The following CACNA1D variants were observed in gnomAD, a reference collection of about 807,000 sequenced individuals.
CACNA1D encodes the protein voltage-dependent L-type calcium channel subunit alpha-1D.
Under a neutral mutation model 257.1 loss-of-function variants are expected in CACNA1D, and 55 were observed. That is an observed-to-expected ratio of 0.21 (90% CI 0.17 to 0.27). The LOEUF (loss-of-function observed/expected upper bound fraction) is 0.27. CACNA1D is among the 10% of genes least tolerant of loss of function. The probability of loss-of-function intolerance (pLI) is 1.00; values close to 1 mark genes in which losing one functional copy is unlikely to be tolerated. For synonymous variants in CACNA1D, 980 were observed against 1,014.9 expected (o/e 0.97, Z 0.65); for missense variants, 1,876 against 2,784.0 (o/e 0.67, Z 7.34).
At chr3:53,716,812 C>T (rs1050027110) in intron 9 of CACNA1D, among the ~76,000 whole-genome samples, 2 of 152,190 alleles carry the variant, frequency 1.3e-5, no homozygotes, top group African/African-American at 2.4e-5. Flanking sequence ...CTCGGGCACT[C>T]ACAAGCGGAA....
chr3:53,593,738 A>AT (rs1466450446), intron 3 of CACNA1D, among the ~76,000 whole-genome samples: 3 of 152,224 alleles, frequency 2.0e-5, no homozygotes, highest in South Asian at 2.1e-4. Context: ...AGGAGCTGGG[A>AT]TTTTTTCCTT....
chr3:53,546,178 G>A (rs1274668431), intron 3 of CACNA1D, among the ~76,000 whole-genome samples: 2 of 152,160 alleles, frequency 1.3e-5, no homozygotes, highest in Admixed American at 6.5e-5. Flanking sequence ...TGTGGCCGTC[G>A]CCGTGTCAGC....
intron 8 of CACNA1D, among the ~76,000 whole-genome samples, chr3:53,678,637 G>A (rs974857129): frequency 8.5e-5 from 13 of 152,142 alleles, no homozygotes; most frequent in Non-Finnish European, 1.6e-4. Flanking sequence ...GGATACCAGG[G>A]GCCTAGACAA....
chr3:53,551,440 G>T (rs1003389068), intron 3 of CACNA1D, among the ~76,000 whole-genome samples: 1 of 152,228 alleles, frequency 6.6e-6, no homozygotes, highest in African/African-American at 2.4e-5. Flanking sequence ...CACAGGGAGT[G>T]GGTACAGAAG....
intron 43 of CACNA1D, among the ~76,000 whole-genome samples, chr3:53,802,687 G>A (rs1052375047): frequency 1.3e-5 from 2 of 152,238 alleles, no homozygotes; most frequent in South Asian, 4.1e-4. Context: ...GGGGCCAAGG[G>A]AGGATGGGTC....
At chr3:53,508,519 C>T (rs2090959880) in intron 3 of CACNA1D, among the ~76,000 whole-genome samples, 1 of 152,194 alleles carries the variant, frequency 6.6e-6, no homozygotes, top group South Asian at 2.1e-4. Context: ...TGTTGTTTCC[C>T]TCTGTGTTCG....
At chr3:53,721,804 C>G (rs1224520442) in intron 11 of CACNA1D, among the ~76,000 whole-genome samples, 1 of 150,900 alleles carries the variant, frequency 6.6e-6, no homozygotes, top group Non-Finnish European at 1.5e-5. Flanking sequence ...AAAAGGTTCC[C>G]TTTAAAAAAA....
intron 3 of CACNA1D, among the ~76,000 whole-genome samples, chr3:53,604,739 C>T (rs375633309): frequency 6.6e-6 from 1 of 152,192 alleles, no homozygotes; most frequent in Non-Finnish European, 1.5e-5. Context: ...GTGGAGATGG[C>T]GTGCCCCTTG....
At chr3:53,688,106 A>T (rs965662201) in intron 8 of CACNA1D, among the ~76,000 whole-genome samples, 1 of 152,256 alleles carries the variant, frequency 6.6e-6, no homozygotes, top group African/African-American at 2.4e-5. Context: ...ATGAAAATCT[A>T]TGTCTACAAA....
At chr3:53,689,014 C>G (rs759288450) in intron 8 of CACNA1D, among the ~76,000 whole-genome samples, 8 of 152,150 alleles carry the variant, frequency 5.3e-5, no homozygotes, top group Non-Finnish European at 1.0e-4. Context: ...GTGTAGATTC[C>G]AGCAGCTGCA....
chr3:53,685,425 A>G (rs1482990718), intron 8 of CACNA1D, among the ~76,000 whole-genome samples: 1 of 152,216 alleles, frequency 6.6e-6, no homozygotes, highest in African/African-American at 2.4e-5. Context: ...AACAGCAAAT[A>G]TAGATAATAT....
chr3:53,651,693 A>T (rs940332685), intron 4 of CACNA1D, among the ~76,000 whole-genome samples: 11 of 152,228 alleles, frequency 7.2e-5, no homozygotes, highest in Non-Finnish European at 1.3e-4. Context: ...CCCATGTAGG[A>T]AGATAAGATA....
chr3:53,531,290 A>C lies in CACNA1D; in HGVS notation c.483+29570A>C, dbSNP rs184170384. 7.0e-3 allele frequency among the ~76,000 whole-genome samples: 1,071 copies of C among 152,296 alleles called. 16 individuals carry two copies. Among genetic ancestry groups the C allele is most frequent in the African/African-American group, 0.024 (1,001 of 41,554 alleles). ...ATGGTTTAATATACCCTTAAGAATA[A>C]TGCGTTTGGAATTGTAATTGAGAAG... On this transcript the variant is annotated intron_variant, in intron 3 of 47. Coordinates refer to ENST00000350061, the MANE Select transcript of CACNA1D (RefSeq NM_001128840.3).
At chr3:53,769,087 G>A (rs1374487357) in intron 30 of CACNA1D, among the ~76,000 whole-genome samples, 1 of 152,244 alleles carries the variant, frequency 6.6e-6, no homozygotes, top group Non-Finnish European at 1.5e-5. Context: ...CAACTCCTCT[G>A]TGTTCTCTCA....
intron 3 of CACNA1D, among the ~76,000 whole-genome samples, chr3:53,633,835 G>GT (rs1377092730): frequency 6.6e-6 from 1 of 152,140 alleles, no homozygotes; most frequent in African/African-American, 2.4e-5. Context: ...CTGGATTTGG[G>GT]TTTTTTAAGT....
chr3:53,807,289 C>T (rs1444087434), intron 45 of CACNA1D, among the ~76,000 whole-genome samples: 1 of 152,244 alleles, frequency 6.6e-6, no homozygotes, highest in African/African-American at 2.4e-5. Context: ...CTGGGTGGTG[C>T]GTGGAGGGAA....
chr3:53,623,825 C>T (rs1378897822), intron 3 of CACNA1D, among the ~76,000 whole-genome samples: 1 of 152,186 alleles, frequency 6.6e-6, no homozygotes, highest in African/African-American at 2.4e-5. Flanking sequence ...GTGTTTCCCT[C>T]AATGCTGAGT....
chr3:53,568,023 A>T (rs1358585072), intron 3 of CACNA1D, among the ~76,000 whole-genome samples: 8 of 152,156 alleles, frequency 5.3e-5, no homozygotes, highest in Non-Finnish European at 8.8e-5. Flanking sequence ...GTTTAACCTA[A>T]TTGAGCCTCA....
At chr3:53,601,139 C>T (rs148880122) in intron 3 of CACNA1D, among the ~76,000 whole-genome samples, 78 of 152,230 alleles carry the variant, frequency 5.1e-4, no homozygotes, top group African/African-American at 1.8e-3. Flanking sequence ...CTTCGGAGAC[C>T]GGTGCCACTT....
Sources: gnomAD v4.1 joint callset for allele counts (sites outside exome capture counted in the v4.1 genomes callset) on GRCh38, gnomAD v4.1.1 for gene constraint, MANE v1.5 for transcripts, NCBI Gene and HGNC (gene_info 2026-07-23, HGNC 2026-07-21) for gene names.